Variants in PRIM2 observed in about 807,000 individuals in gnomAD.
PRIM2 encodes the protein DNA primase large subunit.
A neutral mutation model predicts 67.3 loss-of-function variants in PRIM2; 39 were observed. The ratio of observed to expected loss-of-function variants is 0.58; its 90% CI spans 0.45 to 0.76. The LOEUF is 0.76. Ranked by LOEUF, PRIM2 falls within the 30% of genes least tolerant of loss-of-function variation. PRIM2 has a pLI of 0.00. For missense variants in PRIM2, 398 were observed against 598.7 expected (o/e 0.66, Z 3.50); for synonymous variants, 143 against 198.7 (o/e 0.72, Z 2.36).
At chr6:57,324,993 T>C (rs1158312140) in intron 4 of PRIM2, among the ~76,000 whole-genome samples, 1 of 152,088 alleles carries the variant, frequency 6.6e-6, no homozygotes, top group Non-Finnish European at 1.5e-5. Context: ...TCTGTGAAAA[T>C]CTCCTAAAAA....
chr6:57,385,333 A>T (rs984208392), intron 7 of PRIM2, among the ~76,000 whole-genome samples: 8 of 152,168 alleles, frequency 5.3e-5, no homozygotes, highest in South Asian at 2.1e-4. Flanking sequence ...CATACTTTTT[A>T]AAAAATTAAT....
the PRIM2 span, among the ~76,000 whole-genome samples, chr6:57,226,715 G>A: frequency 6.6e-6 from 1 of 152,228 alleles, no homozygotes; most frequent in East Asian, 1.9e-4. Flanking sequence ...AGCAATGGAA[G>A]GCCGGTTCAG....
rs559617172 is a variant in PRIM2, at chr6:57,329,865, A to C, written c.459+3820A>C. On this transcript the variant is annotated intron_variant, in intron 5 of 13. Transcript: ENST00000615550. ...TTTTATTCCATTGATCTGTCTGCTTATCCTTATGTCAGTAGTATGTGGTCT... is the reference window on the plus strand; with the variant it reads ...TTTTATTCCATTGATCTGTCTGCTTCTCCTTATGTCAGTAGTATGTGGTCT... Among the ~76,000 whole-genome samples the C allele has an allele frequency of 3.3e-5, 5 of 152,330 alleles. No homozygotes were observed. The South Asian group carries it at 1.0e-3, about 32-fold the overall frequency.
chr6:57,527,014 C>A (rs1468495273), intron 8 of PRIM2, among the ~76,000 whole-genome samples: 2 of 152,234 alleles, frequency 1.3e-5, no homozygotes, highest in Non-Finnish European at 2.9e-5. Context: ...TCTTTCCTGG[C>A]TACCTGTTAG....
chr6:57,330,914 G>A (rs1430275810), intron 5 of PRIM2, among the ~76,000 whole-genome samples: 1 of 152,060 alleles, frequency 6.6e-6, no homozygotes, highest in African/African-American at 2.4e-5. Context: ...CGGGCGCGGT[G>A]GCTCACACCT....
At chr6:57,513,745 G>A (rs1554347937) in intron 8 of PRIM2, among the ~76,000 whole-genome samples, 3 of 152,094 alleles carry the variant, frequency 2.0e-5, no homozygotes, top group African/African-American at 7.2e-5. Context: ...GTGGTGGCGC[G>A]CACCTGTAAT....
intron 7 of PRIM2, among the ~76,000 whole-genome samples, chr6:57,473,013 A>G (rs1773375716): frequency 6.6e-6 from 1 of 152,208 alleles, no homozygotes; most frequent in South Asian, 2.1e-4. Context: ...TCAGAGATGT[A>G]CTGCTATGAT....
intron 7 of PRIM2, among the ~76,000 whole-genome samples, chr6:57,431,702 C>G (rs553739464): frequency 6.6e-6 from 1 of 151,972 alleles, no homozygotes; most frequent in Non-Finnish European, 1.5e-5. Flanking sequence ...AGAGATAAAC[C>G]TAGGGATTGT....
the PRIM2 span, among the ~76,000 whole-genome samples, chr6:57,271,753 T>A: frequency 2.0e-5 from 3 of 152,220 alleles, no homozygotes; most frequent in Admixed American, 6.5e-5. Flanking sequence ...CTGCTTTCTC[T>A]TGTGGGCATT....
At chr6:57,338,030 C>G (rs1768321802) in intron 5 of PRIM2, among the ~76,000 whole-genome samples, 1 of 151,914 alleles carries the variant, frequency 6.6e-6, no homozygotes, top group Admixed American at 6.6e-5. Flanking sequence ...GGGGATATCA[C>G]CACTGATCCC....
chr6:57,546,335 C>T (rs1486928588), intron 10 of PRIM2, among the ~76,000 whole-genome samples: 1 of 151,976 alleles, frequency 6.6e-6, no homozygotes, highest in South Asian at 2.1e-4. Flanking sequence ...TTCCAAAACA[C>T]GATGGTAAAA....
chr6:57,318,654 T>G (rs1214993092), intron 2 of PRIM2, 55 bp downstream of exon 2: 3 of 1,366,620 alleles, frequency 2.2e-6, no homozygotes, highest in Non-Finnish European at 2.0e-6. Context: ...ACTTACCCTT[T>G]GTGAGAATGA....
At chr6:57,598,016 T>C (rs1232776865) in intron 10 of PRIM2, among the ~76,000 whole-genome samples, 3 of 152,230 alleles carry the variant, frequency 2.0e-5, no homozygotes, top group East Asian at 3.8e-4. Context: ...TAAAGAATCA[T>C]AGGAGTAAAA....
At chr6:57,636,584 C>A (rs1213739759) in intron 13 of PRIM2, among the ~76,000 whole-genome samples, 1 of 152,232 alleles carries the variant, frequency 6.6e-6, no homozygotes, top group Admixed American at 6.5e-5. Flanking sequence ...TATCAAGCAA[C>A]TTAGTAGATC....
chr6:57,302,548 T>G, the PRIM2 span, among the ~76,000 whole-genome samples: 1 of 152,228 alleles, frequency 6.6e-6, no homozygotes, highest in Admixed American at 6.5e-5. Flanking sequence ...ATTTTATGTA[T>G]TTAGCCTCTA....
At chr6:57,318,718 A>AAT in intron 2 of PRIM2, 119 bp downstream of exon 2, 6 of 815,892 alleles carry the variant, frequency 7.4e-6, no homozygotes, top group Non-Finnish European at 1.1e-5. Context: ...GTATTTATTG[A>AAT]GGTAATTCAT....
intron 5 of PRIM2, among the ~76,000 whole-genome samples, chr6:57,362,393 A>G (rs970830873): frequency 6.6e-6 from 1 of 152,194 alleles, no homozygotes; most frequent in African/African-American, 2.4e-5. Context: ...TATTGCTTGA[A>G]TAAACGTGGC....
chr6:57,486,020 A>C (rs1320395850), intron 7 of PRIM2, among the ~76,000 whole-genome samples: 1 of 152,170 alleles, frequency 6.6e-6, no homozygotes, highest in Non-Finnish European at 1.5e-5. Context: ...AAGAGATGGA[A>C]AAGTTAAATA....
chr6:57,532,092 C>T (rs1774903697), intron 8 of PRIM2, among the ~76,000 whole-genome samples: 3 of 152,108 alleles, frequency 2.0e-5, no homozygotes, highest in African/African-American at 4.8e-5. Context: ...GCTATGTTGT[C>T]GTGCTGTTAA....
Sources: allele counts gnomAD v4.1 joint callset (sites outside exome capture counted in the v4.1 genomes callset), GRCh38; gene constraint gnomAD v4.1.1; transcripts MANE v1.5; gene names NCBI Gene and HGNC (gene_info 2026-07-23, HGNC 2026-07-21).